Variants in GTF2IRD1 observed in about 807,000 individuals in gnomAD.
GTF2IRD1 encodes GTF2I repeat domain containing 1, also known as general transcription factor II-I repeat domain-containing protein 1.
In GTF2IRD1, 26 loss-of-function variants were observed where a neutral mutation model predicts 113.2. That is an observed-to-expected ratio of 0.23 (90% CI 0.17 to 0.32). The LOEUF is 0.32. GTF2IRD1 is among the 10% of genes least tolerant of loss of function. The pLI is 1.00. For missense variants in GTF2IRD1, 864 were observed against 1,280.8 expected (o/e 0.67, Z 4.97); for synonymous variants, 484 against 529.1 (o/e 0.91, Z 1.17).
intron 22 of GTF2IRD1, among the ~76,000 whole-genome samples, chr7:74,560,583 G>T (rs10269213): frequency 0.36 from 53,220 of 146,460 alleles, 10,713 homozygotes; most frequent in African/African-American, 0.55. Context: ...ATATTATATA[G>T]AGAGAGAGAG....
chr7:74,535,077 G>T (rs782100346), intron 9 of GTF2IRD1, 36 bp from the exon 10 acceptor site: 4 of 1,602,838 alleles, frequency 2.5e-6, no homozygotes, highest in Non-Finnish European at 3.4e-6. Context: ...CCTCCAGCCT[G>T]CACTGTTCTC....
chr7:74,454,592 C>CG (rs1222132566), intron 1 of GTF2IRD1, among the ~76,000 whole-genome samples: 1 of 151,948 alleles, frequency 6.6e-6, no homozygotes, highest in African/African-American at 2.4e-5. Context: ...CGCCTTTCCC[C>CG]CCTCCACCTT....
intron 12 of GTF2IRD1, 139 bp from the exon 13 acceptor site, chr7:74,538,541 G>C: frequency 1.3e-6 from 1 of 757,924 alleles, no homozygotes; most frequent in Non-Finnish European, 2.4e-6. Flanking sequence ...CAGTTTGGGC[G>C]GAGCCAGGGG....
chr7:74,588,653 C>T (rs1221815229), intron 22 of GTF2IRD1, among the ~76,000 whole-genome samples: 1 of 152,020 alleles, frequency 6.6e-6, no homozygotes, highest in African/African-American at 2.4e-5. Context: ...ACCTCACCCT[C>T]CTGAGTAGCT....
intron 22 of GTF2IRD1, among the ~76,000 whole-genome samples, chr7:74,568,792 C>A (rs1428330187): frequency 6.6e-6 from 1 of 152,036 alleles, no homozygotes; most frequent in African/African-American, 2.4e-5. Context: ...TAAATGTCCC[C>A]ATGGGGATGA....
intron 7 of GTF2IRD1, among the ~76,000 whole-genome samples, chr7:74,523,693 C>G (rs1346178888): frequency 2.0e-5 from 3 of 152,062 alleles, no homozygotes; most frequent in Non-Finnish European, 4.4e-5. Context: ...TGCACTCCAG[C>G]CTGGGTGACA....
chr7:74,507,659 T>G, intron 1 of GTF2IRD1: 2 of 172,058 alleles, frequency 1.2e-5, no homozygotes, highest in East Asian at 1.7e-4. Context: ...GGAACTGGAG[T>G]GAGGGACAGG....
intron 9 of GTF2IRD1, among the ~76,000 whole-genome samples, chr7:74,530,499 T>G (rs1647043745): frequency 6.8e-6 from 1 of 146,954 alleles, no homozygotes; most frequent in African/African-American, 2.5e-5. Context: ...TGTAATTTTT[T>G]TTTTTTTTTT....
rs782212975 is a variant in GTF2IRD1 at position 74,521,265 on chromosome 7, G to A, written c.974G>A (p.Arg325His). 73 of 1,610,708 alleles carry A rather than the reference G, an allele frequency of 4.5e-5. No individual in the cohort carries two copies. The highest frequency in any genetic ancestry group is 1.7e-4 in the Admixed American group (10 of 59,984). ...PLIQNVHASK[R>H]ILFSIVHDKS... ...ATCCAGAACGTCCATGCCTCCAAGC[G>A]CATTCTCTTCTCCATCGTCCATGAC... Residue 325 changes from arginine to histidine, a missense_variant, in exon 7 of 27, where the codon CGC becomes CAC. Around this residue, in one of 7 missense-constraint regions of GTF2IRD1, gnomAD observed 195 missense variants for 196.6 expected, o/e 0.99. Transcript: ENST00000424337.
intron 23 of GTF2IRD1, among the ~76,000 whole-genome samples, chr7:74,590,324 T>C (rs1408528011): frequency 6.6e-6 from 1 of 151,896 alleles, no homozygotes; most frequent in Admixed American, 6.6e-5. Flanking sequence ...CAAGCGATCC[T>C]CCTGCCTTGG....
intron 25 of GTF2IRD1, 129 bp from the exon 26 acceptor site, chr7:74,600,915 G>T (rs1802722061): frequency 2.0e-6 from 2 of 984,880 alleles, no homozygotes; most frequent in Non-Finnish European, 3.1e-6. Flanking sequence ...ACCCCCAGGG[G>T]ATCAGGAGCC....
chr7:74,569,869 G>A (rs781955494), intron 22 of GTF2IRD1, among the ~76,000 whole-genome samples: 11 of 152,156 alleles, frequency 7.2e-5, no homozygotes, highest in Non-Finnish European at 1.6e-4. Flanking sequence ...GGCCCATAGT[G>A]AAACCTGAGT....
intron 22 of GTF2IRD1, among the ~76,000 whole-genome samples, chr7:74,575,371 G>A (rs1313991195): frequency 6.6e-6 from 1 of 152,164 alleles, no homozygotes; most frequent in Non-Finnish European, 1.5e-5. Flanking sequence ...GAGATGAGAT[G>A]GAGATGGACA....
intron 8 of GTF2IRD1, among the ~76,000 whole-genome samples, chr7:74,528,707 GTGGATGGATGGATGGATGGA>G (rs58102974): frequency 4.7e-5 from 5 of 106,910 alleles, no homozygotes; most frequent in South Asian, 7.0e-4. Flanking sequence ...GGAAAGATGG[GTGGATGGATGGATGGATGGA>G]TGGATGGATG....
chr7:74,554,081 T>A (rs1799466964), intron 17 of GTF2IRD1, among the ~76,000 whole-genome samples: 1 of 152,118 alleles, frequency 6.6e-6, no homozygotes, highest in East Asian at 1.9e-4. Context: ...TTGGGCTCAC[T>A]CCCAGGCAGA....
rs587733468 is a variant in GTF2IRD1 at position 74,529,817 on chromosome 7, A to C, written c.1174A>C (p.Ile392Leu). 2 of 1,613,744 alleles carry C rather than the reference A, an allele frequency of 1.2e-6. No individual in the cohort carries two copies. Among genetic ancestry groups the C allele is most frequent in the South Asian group, 2.2e-5 (2 of 91,064 alleles). Residue 392 changes from isoleucine (I) to leucine (L), a missense_variant, in exon 9 of 27, where the codon ATC (isoleucine) becomes CTC (leucine). Around this residue, in one of 7 missense-constraint regions of GTF2IRD1, gnomAD observed 218 missense variants for 352.6 expected, o/e 0.62. Coordinates refer to ENST00000424337, the MANE Select transcript of GTF2IRD1 (RefSeq NM_005685.4). The stretch of plus-strand genomic sequence containing the variant: ...CCCGGAGGCTGTGGAGATCGTGGGC[A>C]TCCCGGACAAGATCCCCTTCAAGCG... ...CDPEAVEIVG[I>L]PDKIPFKRPC...
At chr7:74,520,311 C>T (rs782003676) in intron 6 of GTF2IRD1, among the ~76,000 whole-genome samples, 2 of 151,802 alleles carry the variant, frequency 1.3e-5, no homozygotes, top group Non-Finnish European at 2.9e-5. Context: ...GTGAACAGGA[C>T]AAAAGGAACA....
chr7:74,467,685 G>C (rs1364449611), intron 1 of GTF2IRD1, among the ~76,000 whole-genome samples: 1 of 150,070 alleles, frequency 6.7e-6, no homozygotes, highest in Non-Finnish European at 1.5e-5. Context: ...ATTTTATTTT[G>C]TATTTAATTT....
chr7:74,544,452 C>G (rs1378957858), intron 14 of GTF2IRD1, among the ~76,000 whole-genome samples: 1 of 152,226 alleles, frequency 6.6e-6, no homozygotes, highest in African/African-American at 2.4e-5. Flanking sequence ...TCCCAAAGTG[C>G]TGGGATTACA....
Sources: allele counts gnomAD v4.1 joint callset (sites outside exome capture counted in the v4.1 genomes callset), GRCh38; gene constraint gnomAD v4.1.1; regional missense constraint gnomAD v4.1.1; transcripts MANE v1.5; gene names NCBI Gene and HGNC (gene_info 2026-07-23, HGNC 2026-07-21).